The following MGAM variants were observed in gnomAD, a reference collection of about 807,000 sequenced individuals.
MGAM encodes maltase-glucoamylase.
MGAM carries 253 observed loss-of-function variants against 358.8 expected under a neutral mutation model. The ratio of observed to expected loss-of-function variants is 0.71; its 90% CI spans 0.64 to 0.78. The LOEUF is 0.78. Ranked by LOEUF, MGAM falls within the 30% of genes least tolerant of loss-of-function variation. The pLI is 0.00. For missense variants in MGAM, 3,080 were observed against 3,432.6 expected (o/e 0.90, Z 2.57); for synonymous variants, 1,105 against 1,227.1 (o/e 0.90, Z 2.08).
intron 6 of MGAM, 42 bp from the exon 7 acceptor site, chr7:142,022,226 C>T: frequency 6.4e-7 from 1 of 1,553,224 alleles, no homozygotes; most frequent in South Asian, 1.2e-5. Flanking sequence ...TTCTCTCCAC[C>T]CTGCTTGCTC....
chr7:141,996,714 A>G (rs1804266290), intron 1 of MGAM, among the ~76,000 whole-genome samples: 1 of 152,198 alleles, frequency 6.6e-6, no homozygotes, highest in Admixed American at 6.5e-5. Flanking sequence ...ATATATCACT[A>G]TGCTTATGGG....
chr7:142,067,968 ATATATATATATATATATATTTTTTTTT>A lies in MGAM; in HGVS notation c.5004+545_5004+571del, dbSNP rs1291140130. Among the ~76,000 whole-genome samples the A allele has an allele frequency of 4.1e-3, 21 of 5,070 alleles. 2 individuals are homozygous for A. The highest frequency in any genetic ancestry group is 6.5e-3 in the African/African-American group (21 of 3,252). The allele number at this position is 5,070 out of a possible 152,430, so 3.3% of individuals were successfully genotyped here. On this transcript the variant is annotated intron_variant, in intron 42 of 70. Transcript: ENST00000475668. ...TATATATATATATATATATATAAATATATATATATATATATATATTTTTTTTTTTTTTTTTTTGAGACAGAGTCTCAC... is the reference window on the plus strand; with the variant it reads ...TATATATATATATATATATATAAATATTTTTTTTTTGAGACAGAGTCTCAC...
intron 1 of MGAM, among the ~76,000 whole-genome samples, chr7:141,997,376 A>G (rs1804337485): frequency 6.6e-6 from 1 of 152,164 alleles, no homozygotes; most frequent in Non-Finnish European, 1.5e-5. Context: ...GACCAAATGA[A>G]GTGGGACACT....
rs782318002 is a variant in MGAM, at chr7:142,019,267, T to C, written c.396T>C (p.Tyr132=). 2.5e-6 allele frequency: 4 copies of C among 1,613,600 alleles called. No homozygotes were observed. The highest frequency in any genetic ancestry group is 3.4e-6 in the Non-Finnish European group (4 of 1,179,730). The part of the protein sequence containing the change: ...QGAVSVPWCY[Y]SKNHSYHVEG... ...CTGTAAGTGTTCCCTGGTGCTACTATTCCAAGAATCATAGCTACCATGTAG... is the reference window on the plus strand; with the variant it reads ...CTGTAAGTGTTCCCTGGTGCTACTACTCCAAGAATCATAGCTACCATGTAG... Residue 132 remains tyrosine, a synonymous_variant, in exon 4 of 71, where the codon TAT becomes TAC. Transcript: ENST00000475668.
chr7:141,991,156 G>A (rs776983323), upstream of MGAM, among the ~76,000 whole-genome samples: 2 of 152,194 alleles, frequency 1.3e-5, no homozygotes, highest in African/African-American at 2.4e-5. Flanking sequence ...CGACTGCATA[G>A]CGTAGTTACC....
chr7:142,030,600 G>A (rs1807394252), intron 11 of MGAM, 41 bp from the exon 12 acceptor site: 1 of 1,602,846 alleles, frequency 6.2e-7, no homozygotes, highest in Non-Finnish European at 8.5e-7. Flanking sequence ...AGTGCCTCCG[G>A]TTTCCAGCTA....
rs1228843867 is a variant in MGAM, at chr7:142,051,958, A to G, written c.2806-336A>G. The stretch of plus-strand genomic sequence containing the variant: ...TGGGCATTGGAGAGCAAGAGGATCA[A>G]CTCACTTTAGGATGACATCATGTGT... On this transcript the variant is annotated intron_variant, in intron 24 of 70. Transcript: ENST00000475668. 5.3e-5 allele frequency among the ~76,000 whole-genome samples: 8 copies of G among 152,234 alleles called. No individual in the cohort carries two copies. The South Asian group carries it at 1.5e-3, about 28-fold the overall frequency.
At chr7:142,053,005 A>G (rs1318909403) in intron 26 of MGAM, 21 bp downstream of exon 26, 2 of 1,611,288 alleles carry the variant, frequency 1.2e-6, no homozygotes, top group African/African-American at 2.7e-5. Flanking sequence ...TACATGTATC[A>G]GGTAGTGATT....
intron 21 of MGAM, 128 bp downstream of exon 21, chr7:142,040,974 G>T: frequency 8.9e-7 from 1 of 1,127,750 alleles, no homozygotes; most frequent in Non-Finnish European, 1.2e-6. Context: ...TGCAGTTTTA[G>T]CACCAAAAGT....
chr7:141,992,516 T>G (rs1554447534), upstream of MGAM, among the ~76,000 whole-genome samples: 1 of 152,198 alleles, frequency 6.6e-6, no homozygotes, highest in East Asian at 1.9e-4. Context: ...GGGTGGCAGT[T>G]TAGACATTTG....
At chr7:142,040,418 A>G (rs1808404122) in intron 20 of MGAM, 3 of 584,248 alleles carry the variant, frequency 5.1e-6, no homozygotes, top group Non-Finnish European at 9.0e-6. Flanking sequence ...TATCTCATAA[A>G]TTAATATTGG....
rs762160028 is a variant in MGAM at position 142,103,414 on chromosome 7, C to T, written c.8159C>T (p.Ser2720Phe). The change falls in exon 70 of 71, where the codon TCC becomes TTC. Residue 2720 changes from serine to phenylalanine, a missense_variant. Physicochemically the swap from Ser to Phe is radical, Grantham distance 155. Transcript: ENST00000475668. ...ISVSGMVITP[S>F]FNNDPTTQVL... Reference sequence around the variant, plus strand: ...GTGAGTGGCATGGTCATAACACCCTCCTTCAACAATGACCCCACGACACAG... The same window carrying T: ...GTGAGTGGCATGGTCATAACACCCTTCTTCAACAATGACCCCACGACACAG... 10 of 1,607,382 alleles carry T rather than the reference C, an allele frequency of 6.2e-6. No individual in the cohort carries two copies. The East Asian group carries it at 8.9e-5, about 14-fold the overall frequency.
intron 24 of MGAM, among the ~76,000 whole-genome samples, chr7:142,051,284 A>G (rs1443572711): frequency 6.6e-6 from 1 of 152,006 alleles, no homozygotes; most frequent in Non-Finnish European, 1.5e-5. Context: ...TTAGTTACCA[A>G]CTTGATTTAA....
intron 45 of MGAM, among the ~76,000 whole-genome samples, chr7:142,075,671 G>A (rs973775430): frequency 1.4e-5 from 2 of 146,176 alleles, no homozygotes; most frequent in African/African-American, 4.9e-5. Context: ...GTGGCTAACT[G>A]GTATGTGAAA....
chr7:142,040,618 C>T, intron 20 of MGAM, 104 bp from the exon 21 acceptor site: 1 of 1,403,466 alleles, frequency 7.1e-7, no homozygotes, highest in Non-Finnish European at 9.7e-7. Context: ...CATAATTCAG[C>T]TAATTGGAAA....
chr7:142,055,616 C>G lies in MGAM; in HGVS notation c.3373C>G (p.Arg1125Gly), dbSNP rs374214973. ...TGACATGTTTATCCGCATCTCCACC[C>G]GCCTTCCCTCCAAGTACCTCTATGG... ...FSDMFIRIST[R>G]LPSKYLYGFG... is the part of the protein sequence containing the mutation. The change falls in exon 28 of 71, where the codon CGC becomes GGC. Residue 1125 changes from arginine to glycine, a missense_variant. Arg to Gly is a moderately radical substitution (Grantham distance 125, BLOSUM62 -2). Transcript: ENST00000475668. 1.2e-6 allele frequency: 2 copies of G among 1,613,940 alleles called. No homozygotes were observed. The highest frequency in any genetic ancestry group is 8.5e-7 in the Non-Finnish European group (1 of 1,179,878).
At chr7:142,042,089 A>T (rs1808847481) in intron 21 of MGAM, among the ~76,000 whole-genome samples, 1 of 76,648 alleles carries the variant, frequency 1.3e-5, no homozygotes, top group Non-Finnish European at 2.3e-5. Flanking sequence ...AATATATAAC[A>T]TATAATATAT....
intron 24 of MGAM, 56 bp from the exon 25 acceptor site, chr7:142,052,238 C>G (rs1227026523): frequency 1.3e-5 from 18 of 1,439,506 alleles, no homozygotes; most frequent in Non-Finnish European, 1.6e-5. Context: ...AACCTCAGGT[C>G]TTGCAAAGCC....
intron 14 of MGAM, among the ~76,000 whole-genome samples, chr7:142,033,955 A>G (rs547395170): frequency 2.0e-5 from 3 of 152,330 alleles, no homozygotes; most frequent in South Asian, 4.1e-4. Context: ...TGGACCACTT[A>G]ACTTAGCTCA....
Sources: allele counts gnomAD v4.1 joint callset (sites outside exome capture counted in the v4.1 genomes callset), GRCh38; gene constraint gnomAD v4.1.1; transcripts MANE v1.5; gene names NCBI Gene and HGNC (gene_info 2026-07-23, HGNC 2026-07-21).